The following MTA2 variants were observed in gnomAD, a reference collection of about 807,000 sequenced individuals.
MTA2 encodes the protein metastasis-associated protein MTA2.
MTA2 carries 22 observed loss-of-function variants against 87.1 expected under a neutral mutation model. That is an observed-to-expected ratio of 0.25 (90% CI 0.18 to 0.36). MTA2 has a LOEUF of 0.36. Ranked by LOEUF, MTA2 falls within the 10% of genes least tolerant of loss-of-function variation. The pLI is 1.00. For synonymous variants in MTA2, 314 were observed against 310.1 expected (o/e 1.01, Z -0.13); for missense variants, 542 against 853.2 (o/e 0.64, Z 4.54).
chr11:62,594,382 G>A lies in MTA2; in HGVS notation c.1718C>T (p.Ser573Phe). 2 of 1,614,212 alleles carry A rather than the reference G, an allele frequency of 1.2e-6. No homozygotes were observed. The highest frequency in any genetic ancestry group is 1.7e-6 in the Non-Finnish European group (2 of 1,180,040). The change falls in exon 17 of 18, where the codon TCT becomes TTT. Residue 573 changes from serine (S) to phenylalanine (F), a missense_variant. By Grantham distance (155) the Ser-to-Phe change is radical. Around this residue, in one of 6 missense-constraint regions of MTA2, gnomAD observed 269 missense variants for 346.4 expected, o/e 0.78. Transcript: ENST00000278823. ...TGAAGCCAGAGGCCTTCCATTGGCA[G>A]AGAAAGGAACCCCTGCCCCTGCCAT... is the stretch of plus-strand genomic sequence containing the variant. ...ETMAGAGVPF[S>F]ANGRPLASGI...
Position 62,601,789 on chromosome 11 carries a change from G to A in MTA2, c.-339C>T. On this transcript the variant is annotated 5_prime_UTR_variant, in exon 1 of 18. Transcript: ENST00000278823. Reference sequence around the variant, plus strand: ...AGTCGTTGGGCTCTGCCGGCCGCAGGGAAGGCTTGCCGGGCCCGCCTCAGG... The same window carrying A: ...AGTCGTTGGGCTCTGCCGGCCGCAGAGAAGGCTTGCCGGGCCCGCCTCAGG... 2.0e-6 allele frequency: 1 copy of A among 505,488 alleles called. No homozygotes were observed. Among genetic ancestry groups the A allele is most frequent in the Non-Finnish European group, 3.4e-6 (1 of 290,482 alleles). 31.3% of individuals were successfully genotyped at this position (505,488 alleles called of 1,614,324 possible). A position where few individuals can be genotyped will look rare whatever the true frequency, so the allele number is the denominator to read the frequency against.
Position 62,601,767 on chromosome 11 carries a change from C to G in MTA2, c.-317G>C, listed in dbSNP as rs372695297. 1.4e-5 allele frequency: 7 copies of G among 511,282 alleles called. No homozygotes were observed. Among genetic ancestry groups the G allele is most frequent in the Non-Finnish European group, 3.4e-6 (1 of 293,732 alleles). The allele number at this position is 511,282 out of a possible 1,614,324, so 31.7% of individuals were successfully genotyped here. A position where few individuals can be genotyped will look rare whatever the true frequency, so the allele number is the denominator to read the frequency against. ...CCCGCCCCCGCGGAGTCCCACTAGT[C>G]GTTGGGCTCTGCCGGCCGCAGGGAA... On this transcript the variant is annotated 5_prime_UTR_variant, in exon 1 of 18. Coordinates refer to ENST00000278823, the MANE Select transcript of MTA2 (RefSeq NM_004739.4).
chr11:62,601,524 C>A lies in MTA2; in HGVS notation c.-74G>T, dbSNP rs1942200805. The A allele has an allele frequency of 3.9e-6, 6 of 1,540,982 alleles. No individual in the cohort carries two copies. The South Asian group carries it at 4.8e-5, about 12-fold the overall frequency. On this transcript the variant is annotated 5_prime_UTR_variant, in exon 1 of 18. Coordinates refer to ENST00000278823, the MANE Select transcript of MTA2 (RefSeq NM_004739.4). ...CGCGGGGGCAGGGCTCGGCTCGAGGCAAAGCCCCGAACGGTGGGCTGCCGC... is the reference window on the plus strand; with the variant it reads ...CGCGGGGGCAGGGCTCGGCTCGAGGAAAAGCCCCGAACGGTGGGCTGCCGC...
At chr11:62,596,967 A>C in intron 8 of MTA2, 142 bp from the exon 9 acceptor site, 1 of 765,002 alleles carries the variant, frequency 1.3e-6, no homozygotes, top group Non-Finnish European at 2.0e-6. Context: ...AGGCGGGCAG[A>C]TCACGAGGTC....
rs1329754840 is a variant in MTA2 at position 62,601,743 on chromosome 11, C to T, written c.-293G>A. The T allele has an allele frequency of 9.7e-6, 5 of 515,380 alleles. No homozygotes were observed. Among genetic ancestry groups the T allele is most frequent in the African/African-American group, 2.0e-5 (1 of 49,170 alleles). The allele number at this position is 515,380 out of a possible 1,614,324, so 31.9% of individuals were successfully genotyped here. ...GGCCAGAGCCAGGCTCCAGCTACCC[C>T]CGCCCCCGCGGAGTCCCACTAGTCG... On this transcript the variant is annotated 5_prime_UTR_variant, in exon 1 of 18. Transcript: ENST00000278823.
Position 62,601,576 on chromosome 11 carries a change from G to A in MTA2, c.-126C>T, listed in dbSNP as rs1393667727. The A allele has an allele frequency of 1.7e-6, 2 of 1,148,662 alleles. No individual in the cohort carries two copies. The highest frequency in any genetic ancestry group is 1.6e-5 in the African/African-American group (1 of 61,240). The allele number at this position is 1,148,662 out of a possible 1,614,324, so 71.2% of individuals were successfully genotyped here. The stretch of plus-strand genomic sequence containing the variant: ...TCGAGGGAGTCTCACTGGGGCCCGC[G>A]CAGCCGGCACCTCCGCTGCCTCAGC... On this transcript the variant is annotated 5_prime_UTR_variant, in exon 1 of 18. Transcript: ENST00000278823.
In MTA2 at chr11:62,601,851, A is replaced by G. The variant is rs1485295904; in HGVS notation, c.-401T>C. The G allele has an allele frequency of 8.1e-6, 4 of 492,456 alleles. No homozygotes were observed. The highest frequency in any genetic ancestry group is 1.4e-5 in the Non-Finnish European group (4 of 282,346). 30.5% of individuals were successfully genotyped at this position (492,456 alleles called of 1,614,324 possible). Reference sequence around the variant, plus strand: ...TCCGGAACACCTTCGGCCGATCCGGAGAACAAGGCCCACTGCTCGGCTCAG... The same window carrying G: ...TCCGGAACACCTTCGGCCGATCCGGGGAACAAGGCCCACTGCTCGGCTCAG... On this transcript the variant is annotated 5_prime_UTR_variant, in exon 1 of 18. Transcript: ENST00000278823.
rs747480126 is a variant in MTA2, at chr11:62,593,625, C to A, written c.*250G>T. ...GTCCAAGACATCTGTGGGTCCTACC[C>A]CCCAAAACAGGCTAGGTTCCCACAT... On this transcript the variant is annotated 3_prime_UTR_variant, in exon 18 of 18. Transcript: ENST00000278823. 3.1e-4 allele frequency: 148 copies of A among 476,630 alleles called. No homozygotes were observed. The highest frequency in any genetic ancestry group is 4.8e-4 in the Non-Finnish European group (129 of 266,906). 29.5% of individuals were successfully genotyped at this position (476,630 alleles called of 1,614,324 possible). A position where few individuals can be genotyped will look rare whatever the true frequency, so the allele number is the denominator to read the frequency against.
At chr11:62,597,238 ACCC>A in intron 8 of MTA2, 75 bp downstream of exon 8, 1 of 960,280 alleles carries the variant, frequency 1.0e-6, no homozygotes, top group Non-Finnish European at 1.6e-6. Flanking sequence ...CCTCAGAGAT[ACCC>A]TCCTCTTCTG....
chr11:62,596,909 G>T, intron 8 of MTA2, 84 bp from the exon 9 acceptor site: 4 of 1,400,480 alleles, frequency 2.9e-6, no homozygotes, highest in South Asian at 2.8e-5. Context: ...CCCACTCCCG[G>T]CCGGGCGCGG....
At position 62,594,982 on chromosome 11, in the gene MTA2, C is replaced by T. The variant is rs760849419; in HGVS notation, c.1572G>A (p.Leu524=). 10 of 1,613,872 alleles carry T rather than the reference C, an allele frequency of 6.2e-6. No individual in the cohort carries two copies. The highest frequency in any genetic ancestry group is 8.5e-6 in the Non-Finnish European group (10 of 1,179,948). Residue 524 remains leucine, a splice_region_variant and synonymous_variant, in exon 15 of 18, where the codon CTG becomes CTA. Coordinates refer to ENST00000278823, the MANE Select transcript of MTA2 (RefSeq NM_004739.4). The stretch of plus-strand genomic sequence containing the variant: ...ACCTCACTGGTCCCCATCCCATACC[C>T]AGATCTTTGACGATAGTTGCCAGGG... ...RLPLATIVKD[L]VAQAPLKPKT...
Position 62,593,919 on chromosome 11 carries a change from A to G in MTA2, c.1963T>C (p.Ser655Pro). The G allele has an allele frequency of 6.2e-7, 1 of 1,614,128 alleles. No homozygotes were observed. The highest frequency in any genetic ancestry group is 8.5e-7 in the Non-Finnish European group (1 of 1,180,024). ...GGCTCATTGGTGCTGGCAGGATGTGAGGGTGCAGGTAGAGGGACAGGGGGC... is the reference window on the plus strand; with the variant it reads ...GGCTCATTGGTGCTGGCAGGATGTGGGGGTGCAGGTAGAGGGACAGGGGGC... ...VRPPVPLPAPSHPASTNEPIV... is the reference protein window; with the variant it reads ...VRPPVPLPAPPHPASTNEPIV... The change falls in exon 18 of 18, where the codon TCA (serine) becomes CCA (proline). Residue 655 changes from serine (S) to proline (P), a missense_variant. Around this residue, in one of 6 missense-constraint regions of MTA2, gnomAD observed 269 missense variants for 346.4 expected, o/e 0.78. Transcript: ENST00000278823.
Position 62,595,979 on chromosome 11 carries a change from T to A in MTA2, c.1114+31A>T, listed in dbSNP as rs1942093502. ...TGAGCCACAGCAGGCCTTCCACCCA[T>A]CCCCACCATCCCAGTGCCCCCGTAA... On this transcript the variant is annotated intron_variant, in intron 12 of 17. Transcript: ENST00000278823. This position sits in a 1 kb window ranked among gnomAD's most constrained non-coding sequence, Gnocchi z 4.9. 1.2e-6 allele frequency: 2 copies of A among 1,613,744 alleles called. No individual in the cohort carries two copies. The highest frequency in any genetic ancestry group is 2.2e-5 in the South Asian group (2 of 91,068).
rs3750991 is a variant in MTA2 at position 62,596,387 on chromosome 11, G to A, written c.958-50C>T. ...AAGGATCAGAGCCTCATAGCAGGGA[G>A]AATGTCATCAACTTCAAAGGCAGAG... On this transcript the variant is annotated intron_variant, in intron 10 of 17. Coordinates refer to ENST00000278823, the MANE Select transcript of MTA2 (RefSeq NM_004739.4). 2.1e-3 allele frequency: 3,330 copies of A among 1,613,092 alleles called. 120 individuals are homozygous for A. In the East Asian group the frequency reaches 0.06, roughly 29 times the overall value.
Position 62,595,362 on chromosome 11 carries a change from G to A in MTA2, c.1385C>T (p.Thr462Ile). 6.2e-7 allele frequency: 1 copy of A among 1,614,240 alleles called. No homozygotes were observed. The highest frequency in any genetic ancestry group is 8.5e-7 in the Non-Finnish European group (1 of 1,180,044). ...CCTGCACATGCGTCTGGCAAGACGGGTCAGCTTTGTGGTCTGAAGCAGGAA... is the reference window on the plus strand; with the variant it reads ...CCTGCACATGCGTCTGGCAAGACGGATCAGCTTTGTGGTCTGAAGCAGGAA... ...QTFLLQTTKL[T>I]RLARRMCRDL... Residue 462 changes from threonine to isoleucine, a missense_variant, in exon 14 of 18, where the codon ACC (threonine) becomes ATC (isoleucine). Around this residue, in one of 6 missense-constraint regions of MTA2, gnomAD observed 269 missense variants for 346.4 expected, o/e 0.78. Transcript: ENST00000278823. The surrounding 1 kb of genome is among the most constrained non-coding windows in gnomAD (Gnocchi z 4.9).
chr11:62,601,296 TTCCGGTCCGCGC>T, intron 1 of MTA2, 115 bp downstream of exon 1: 3 of 1,225,482 alleles, frequency 2.4e-6, no homozygotes, highest in Non-Finnish European at 3.5e-6. Flanking sequence ...CCGGTTCCGG[TTCCGGTCCGCGC>T]TCCGGTCCAC....
chr11:62,601,033 C>A (rs1253426919), intron 1 of MTA2: 2 of 487,726 alleles, frequency 4.1e-6, no homozygotes, highest in Non-Finnish European at 7.2e-6. Flanking sequence ...CTTTTCGAAT[C>A]GAGGCGCACA....
Position 62,595,251 on chromosome 11 carries a change from T to C in MTA2, c.1483+13A>G. The C allele has an allele frequency of 6.2e-7, 1 of 1,612,742 alleles. No homozygotes were observed. The highest frequency in any genetic ancestry group is 8.5e-7 in the Non-Finnish European group (1 of 1,178,866). On this transcript the variant is annotated intron_variant, in intron 14 of 17. Transcript: ENST00000278823. The surrounding 1 kb of genome is among the most constrained non-coding windows in gnomAD (Gnocchi z 4.9). ...CGAAACCCACCACCAGTCCCACCAC[T>C]CCCTGCCCTTACACTCTGCTTTGAT...
rs200617811 is a variant in MTA2 at position 62,600,272 on chromosome 11, A to C, written c.97-13T>G. ...TTCCATTTGCAGTCTAAGGGGAGGA[A>C]AAAAACAAAAACAAAACAACGTAGC... On this transcript the variant is annotated splice_polypyrimidine_tract_variant and intron_variant, in intron 2 of 17. Coordinates refer to ENST00000278823, the MANE Select transcript of MTA2 (RefSeq NM_004739.4). 179 of 1,611,410 alleles carry C rather than the reference A, an allele frequency of 1.1e-4. No homozygotes were observed. The African/African-American group carries it at 2.1e-3, about 18-fold the overall frequency.
Sources: allele counts gnomAD v4.1 joint callset, GRCh38; gene constraint gnomAD v4.1.1; regional missense constraint gnomAD v4.1.1; non-coding constraint Gnocchi (gnomAD v3.1); transcripts MANE v1.5; gene names NCBI Gene and HGNC (gene_info 2026-07-23, HGNC 2026-07-21).